Variants in ABCB1 observed in about 807,000 individuals in gnomAD.
ABCB1 encodes the protein ATP-dependent translocase ABCB1.
Under a neutral mutation model 142.0 loss-of-function variants are expected in ABCB1, and 69 were observed. That is an observed-to-expected ratio of 0.49 (90% CI 0.40 to 0.59). ABCB1 has a LOEUF of 0.59. Among genes scored for constraint, ABCB1 ranks in the 20% least tolerant of loss-of-function variants. The pLI is 0.00. For synonymous variants in ABCB1, 532 were observed against 539.2 expected (o/e 0.99, Z 0.18); for missense variants, 1,326 against 1,554.7 (o/e 0.85, Z 2.47).
chr7:87,700,321 C>T (rs1828913229), intron 1 of ABCB1: 1 of 1,024,042 alleles, frequency 9.8e-7, no homozygotes, highest in Non-Finnish European at 1.4e-6. Context: ...TTATAGTTCA[C>T]TATATTACCT....
At chr7:87,646,924 A>G (rs1394036727) in intron 1 of ABCB1, among the ~76,000 whole-genome samples, 1 of 152,154 alleles carries the variant, frequency 6.6e-6, no homozygotes, top group Non-Finnish European at 1.5e-5. Flanking sequence ...TATCAGTGTT[A>G]CTTCCTATAT....
intron 1 of ABCB1, among the ~76,000 whole-genome samples, chr7:87,666,381 G>A (rs1191686842): frequency 6.6e-6 from 1 of 152,044 alleles, no homozygotes; most frequent in Admixed American, 6.6e-5. Flanking sequence ...TATAGATGCT[G>A]GATATTAGAC....
At chr7:87,516,414 G>A (rs1382205908) in intron 24 of ABCB1, 95 bp downstream of exon 24, 3 of 1,487,258 alleles carry the variant, frequency 2.0e-6, no homozygotes, top group Non-Finnish European at 2.8e-6. Context: ...TTTATCATCA[G>A]CATATTTGAA....
At chr7:87,599,064 A>G (rs1819329230) in intron 2 of ABCB1, among the ~76,000 whole-genome samples, 1 of 152,166 alleles carries the variant, frequency 6.6e-6, no homozygotes, top group Admixed American at 6.5e-5. Flanking sequence ...CAAACTTAAC[A>G]TTATTTTTAA....
intron 21 of ABCB1, among the ~76,000 whole-genome samples, chr7:87,523,593 G>A (rs928579103): frequency 6.6e-6 from 1 of 152,198 alleles, no homozygotes; most frequent in Non-Finnish European, 1.5e-5. Context: ...CTGCACTCTA[G>A]CCTGGGCAAC....
intron 1 of ABCB1, among the ~76,000 whole-genome samples, chr7:87,606,715 T>C (rs909407280): frequency 6.6e-6 from 1 of 152,138 alleles, no homozygotes; most frequent in Non-Finnish European, 1.5e-5. Context: ...GAGATAAAGA[T>C]ATCAAAGTGT....
chr7:87,523,577 G>A (rs1401335005), intron 21 of ABCB1, among the ~76,000 whole-genome samples: 1 of 152,178 alleles, frequency 6.6e-6, no homozygotes, highest in Non-Finnish European at 1.5e-5. Context: ...AGTCAAGATG[G>A]CGTCACTGCA....
intron 1 of ABCB1, among the ~76,000 whole-genome samples, chr7:87,697,364 G>A (rs1828583152): frequency 6.6e-6 from 1 of 152,096 alleles, no homozygotes; most frequent in African/African-American, 2.4e-5. Context: ...CCAGTGTGTA[G>A]TACTTCATTT....
chr7:87,638,345 TTGTG>T (rs71524692), intron 1 of ABCB1, among the ~76,000 whole-genome samples: 6,347 of 144,734 alleles, frequency 0.044, 199 homozygotes, highest in East Asian at 0.09. Context: ...AAGTATGTGT[TTGTG>T]TGTGTGTGTG....
At chr7:87,703,128 TA>T (rs1194499696) in intron 1 of ABCB1, among the ~76,000 whole-genome samples, 1 of 152,168 alleles carries the variant, frequency 6.6e-6, no homozygotes. Flanking sequence ...GATGAAGACA[TA>T]ATTCATTATT....
chr7:87,561,474 G>T, intron 7 of ABCB1, 87 bp from the exon 8 acceptor site: 1 of 1,329,328 alleles, frequency 7.5e-7, no homozygotes, highest in Non-Finnish European at 1.0e-6. Flanking sequence ...CATAAATGCT[G>T]CTTATACATT....
At chr7:87,710,671 T>A in intron 1 of ABCB1, 1 of 1,343,784 alleles carries the variant, frequency 7.4e-7, no homozygotes, top group Non-Finnish European at 1.0e-6. Context: ...AAAGTCCTTT[T>A]AATTTTCTAA....
chr7:87,643,339 C>T (rs919463344), intron 1 of ABCB1, among the ~76,000 whole-genome samples: 1 of 151,904 alleles, frequency 6.6e-6, no homozygotes, highest in Non-Finnish European at 1.5e-5. Flanking sequence ...TTTTTTGGTT[C>T]CAATAAAAGT....
chr7:87,589,504 G>A (rs1471777004), intron 3 of ABCB1, among the ~76,000 whole-genome samples: 2 of 152,118 alleles, frequency 1.3e-5, no homozygotes, highest in South Asian at 2.1e-4. Context: ...AAGGAAATGC[G>A]CTGGGCATGA....
intron 1 of ABCB1, among the ~76,000 whole-genome samples, chr7:87,663,485 G>GTA (rs1480748948): frequency 4.0e-5 from 6 of 151,812 alleles, no homozygotes; most frequent in Admixed American, 3.3e-4. Context: ...TGTGTTCTTT[G>GTA]TATACCTTTT....
At chr7:87,545,395 A>C (rs894358437) in intron 15 of ABCB1, among the ~76,000 whole-genome samples, 25 of 152,372 alleles carry the variant, frequency 1.6e-4, no homozygotes, top group African/African-American at 6.0e-4. Context: ...AACAAATGTA[A>C]AAAGAAAGAA....
At chr7:87,504,671 G>A (rs962712804) in intron 27 of ABCB1, among the ~76,000 whole-genome samples, 5 of 152,206 alleles carry the variant, frequency 3.3e-5, no homozygotes, top group South Asian at 2.1e-4. Context: ...TGGGCTTGGT[G>A]GTGGGTGCCT....
chr7:87,702,006 G>T (rs577945175), intron 1 of ABCB1, among the ~76,000 whole-genome samples: 1 of 151,584 alleles, frequency 6.6e-6, no homozygotes, highest in African/African-American at 2.4e-5. Context: ...AGCCAGGCGT[G>T]GTGGTGGGCA....
intron 25 of ABCB1, among the ~76,000 whole-genome samples, chr7:87,513,136 T>A (rs1815090586): frequency 6.6e-6 from 1 of 152,188 alleles, no homozygotes; most frequent in Non-Finnish European, 1.5e-5. Flanking sequence ...TAGTCTCGTG[T>A]CTTTAAATTT....
Sources: gnomAD v4.1 joint callset for allele counts (sites outside exome capture counted in the v4.1 genomes callset) on GRCh38, gnomAD v4.1.1 for gene constraint, MANE v1.5 for transcripts, NCBI Gene and HGNC (gene_info 2026-07-23, HGNC 2026-07-21) for gene names.